TENM3: variants seen among roughly 807,000 people sequenced by gnomAD.
TENM3 encodes the protein teneurin transmembrane protein 3.
A neutral mutation model predicts 255.1 loss-of-function variants in TENM3; 63 were observed. The ratio of observed to expected loss-of-function variants is 0.25; its 90% CI spans 0.20 to 0.30. The LOEUF (loss-of-function observed/expected upper bound fraction) is 0.30. TENM3 is among the 10% of genes least tolerant of loss of function. The pLI, the probability that TENM3 is intolerant of heterozygous loss-of-function variation, is 1.00. For synonymous variants in TENM3, 1,306 were observed against 1,322.3 expected (o/e 0.99, Z 0.27); for missense variants, 2,929 against 3,461.1 (o/e 0.85, Z 3.86).
At chr4:181,602,753 A>G in the TENM3 span, among the ~76,000 whole-genome samples, 3 of 152,202 alleles carry the variant, frequency 2.0e-5, no homozygotes, top group Admixed American at 6.5e-5. Flanking sequence ...ATTTGGACAT[A>G]TGGATCACTA....
the TENM3 span, among the ~76,000 whole-genome samples, chr4:181,991,015 C>T: frequency 6.6e-6 from 1 of 152,048 alleles, no homozygotes; most frequent in African/African-American, 2.4e-5. Context: ...CAAATTTTAA[C>T]AATTATTTGT....
intron 3 of TENM3, among the ~76,000 whole-genome samples, chr4:182,503,121 A>T (rs1736482804): frequency 6.6e-6 from 1 of 152,136 alleles, no homozygotes; most frequent in South Asian, 2.1e-4. Context: ...TCTGCCTTCC[A>T]GTAAGTCCCC....
At chr4:182,111,213 T>TA in the TENM3 span, among the ~76,000 whole-genome samples, 1 of 147,022 alleles carries the variant, frequency 6.8e-6, no homozygotes, top group African/African-American at 2.5e-5. Context: ...TTTTTTTTTT[T>TA]AATTAGCCTT....
At chr4:182,232,491 C>T (rs1424102160) in intron 1 of TENM3, among the ~76,000 whole-genome samples, 2 of 152,082 alleles carry the variant, frequency 1.3e-5, no homozygotes, top group African/African-American at 2.4e-5. Context: ...TTGGGGAGGC[C>T]AAGGTGGGCG....
rs756022748 is a variant in TENM3 at position 182,600,967 on chromosome 4, G to A, written c.555G>A (p.Leu185=). 9.8e-6 allele frequency: 15 copies of A among 1,530,076 alleles called. No individual in the cohort carries two copies. In the South Asian group the frequency reaches 1.7e-4, roughly 17 times the overall value. 94.8% of individuals were successfully genotyped at this position (1,530,076 alleles called of 1,614,324 possible). ...AAGGCCAGTCTACCCTGCAGCCCTT[G>A]CCGCCTTCCCATAAGCAGCACTCTG... The part of the protein sequence containing the change: ...SNQGQSTLQP[L]PPSHKQHSAQ... Residue 185 remains leucine, a synonymous_variant, in exon 4 of 28, where the codon TTG becomes TTA. Coordinates refer to ENST00000511685, the MANE Select transcript of TENM3 (RefSeq NM_001080477.4).
At chr4:181,860,994 G>GA in the TENM3 span, among the ~76,000 whole-genome samples, 4 of 151,930 alleles carry the variant, frequency 2.6e-5, no homozygotes, top group Non-Finnish European at 5.9e-5. Flanking sequence ...GGTTGATATC[G>GA]AAAAAAATGT....
At chr4:182,061,850 A>G in the TENM3 span, among the ~76,000 whole-genome samples, 1 of 152,016 alleles carries the variant, frequency 6.6e-6, no homozygotes, top group African/African-American at 2.4e-5. Context: ...GTAGTTCCAG[A>G]TAGTTGGGAA....
chr4:182,515,282 T>C (rs772329190), intron 3 of TENM3, among the ~76,000 whole-genome samples: 1 of 151,968 alleles, frequency 6.6e-6, no homozygotes, highest in Non-Finnish European at 1.5e-5. Context: ...GCAGAAAAAA[T>C]CCAAGTGAAA....
At chr4:181,858,510 G>C in the TENM3 span, among the ~76,000 whole-genome samples, 1 of 152,258 alleles carries the variant, frequency 6.6e-6, no homozygotes, top group African/African-American at 2.4e-5. Flanking sequence ...ACAAGATACT[G>C]GGCTAAAAAT....
chr4:181,960,713 C>T, the TENM3 span, among the ~76,000 whole-genome samples: 1 of 152,158 alleles, frequency 6.6e-6, no homozygotes. Context: ...ATAACTCTAA[C>T]AGACAGTCTA....
chr4:182,546,269 T>A (rs949614286), intron 3 of TENM3, among the ~76,000 whole-genome samples: 2 of 152,218 alleles, frequency 1.3e-5, no homozygotes, highest in Non-Finnish European at 1.5e-5. Context: ...AAGGACCAGC[T>A]GTATTATTAC....
the TENM3 span, among the ~76,000 whole-genome samples, chr4:181,657,350 C>T: frequency 1.3e-5 from 2 of 152,122 alleles, no homozygotes; most frequent in African/African-American, 2.4e-5. Context: ...ATTTTAAACA[C>T]AGGCAAAGGA....
intron 26 of TENM3, among the ~76,000 whole-genome samples, chr4:182,794,215 C>CTCTCCCACAAGTTGTGTAGCTCT (rs1486754933): frequency 6.6e-6 from 1 of 152,214 alleles, no homozygotes; most frequent in Non-Finnish European, 1.5e-5. Context: ...ATCCCAGCTC[C>CTCTCCCACAAGTTGTGTAGCTCT]TCTCCCACAA....
At chr4:182,706,967 A>C (rs1013527513) in intron 12 of TENM3, among the ~76,000 whole-genome samples, 5 of 152,000 alleles carry the variant, frequency 3.3e-5, no homozygotes, top group Non-Finnish European at 7.4e-5. Context: ...TCCAAAAAAA[A>C]AAAAACAAAA....
intron 3 of TENM3, among the ~76,000 whole-genome samples, chr4:182,483,757 T>A (rs953484937): frequency 6.6e-6 from 1 of 152,082 alleles, no homozygotes; most frequent in Non-Finnish European, 1.5e-5. Context: ...ACAGGAAGTA[T>A]GGCTGGGGAG....
At chr4:182,425,241 C>T (rs1473715407) in intron 3 of TENM3, among the ~76,000 whole-genome samples, 1 of 152,144 alleles carries the variant, frequency 6.6e-6, no homozygotes, top group Admixed American at 6.5e-5. Flanking sequence ...ATTATAGTCT[C>T]TGGAGCAATA....
At chr4:181,522,629 C>T in the TENM3 span, 53 of 544,788 alleles carry the variant, frequency 9.7e-5, no homozygotes, top group African/African-American at 7.9e-4. Flanking sequence ...TTGAGGTCTC[C>T]AACTATGTTG....
At chr4:181,953,390 T>C in the TENM3 span, among the ~76,000 whole-genome samples, 7 of 152,126 alleles carry the variant, frequency 4.6e-5, no homozygotes, top group Non-Finnish European at 1.0e-4. Flanking sequence ...GTTATATGCA[T>C]GAATAAGCAT....
chr4:181,948,652 G>A, the TENM3 span, among the ~76,000 whole-genome samples: 3 of 151,996 alleles, frequency 2.0e-5, no homozygotes, highest in Admixed American at 6.6e-5. Flanking sequence ...TCCTGACCTC[G>A]TGATCTGCCC....
Sources: gnomAD v4.1 joint callset for allele counts (sites outside exome capture counted in the v4.1 genomes callset) on GRCh38, gnomAD v4.1.1 for gene constraint, MANE v1.5 for transcripts, NCBI Gene and HGNC (gene_info 2026-07-23, HGNC 2026-07-21) for gene names.